PMF1: variants seen among roughly 807,000 people sequenced by gnomAD.
PMF1 encodes the protein polyamine-modulated factor 1.
PMF1 carries 21 observed loss-of-function variants against 26.7 expected under a neutral mutation model. The observed-to-expected ratio is 0.79, with a 90% CI of 0.56 to 1.13. The LOEUF (loss-of-function observed/expected upper bound fraction) is 1.13, where lower values mean the gene tolerates loss of function less well. Ranked by LOEUF, PMF1 falls within the 50% of genes most tolerant of loss-of-function variation. PMF1 has a pLI of 0.00. For missense variants in PMF1, 266 were observed against 254.9 expected, an observed-to-expected ratio of 1.04 and a Z score of -0.30; for synonymous variants, 105 against 101.0, an observed-to-expected ratio of 1.04 and a Z score of -0.24.
chr1:156,238,144 G>A (rs1232066332), intron 4 of PMF1, among the ~76,000 whole-genome samples: 1 of 152,180 alleles, frequency 6.6e-6, no homozygotes, highest in Non-Finnish European at 1.5e-5. Flanking sequence ...TTATGTGTCT[G>A]TTCTTATAAC....
rs533410192 is a variant in PMF1, at chr1:156,239,949, C to T, written c.*348C>T. ...GGCCCTGGCTTGGAGAATCTGTTTT[C>T]AATCTCCACTGATTGCCCCCTTGCT... On this transcript the variant is annotated 3_prime_UTR_variant, in exon 5 of 5. Coordinates refer to ENST00000368277, the MANE Select transcript of PMF1 (RefSeq NM_007221.4). 3.5e-6 allele frequency: 1 copy of T among 285,106 alleles called. No individual in the cohort carries two copies. Among genetic ancestry groups the T allele is most frequent in the African/African-American group, 2.2e-5 (1 of 46,078 alleles). 17.7% of individuals were successfully genotyped at this position (285,106 alleles called of 1,614,324 possible).
At chr1:156,233,437 C>T (rs908495225) in intron 2 of PMF1, among the ~76,000 whole-genome samples, 191 bp from the exon 3 acceptor site, 31 of 151,718 alleles carry the variant, frequency 2.0e-4, no homozygotes, top group Admixed American at 1.4e-3. Flanking sequence ...GGATTACAGG[C>T]GTGAACCACG....
intron 1 of PMF1, among the ~76,000 whole-genome samples, chr1:156,218,611 C>G (rs185568139): frequency 2.0e-5 from 3 of 152,206 alleles, no homozygotes; most frequent in African/African-American, 7.2e-5. Flanking sequence ...AAAACCCCAT[C>G]TCTACTAAAA....
intron 1 of PMF1, among the ~76,000 whole-genome samples, chr1:156,232,085 A>C (rs945493053): frequency 6.6e-6 from 1 of 152,168 alleles, no homozygotes; most frequent in African/African-American, 2.4e-5. Flanking sequence ...ATAAACACTT[A>C]AACTCACCTG....
intron 1 of PMF1, among the ~76,000 whole-genome samples, chr1:156,213,863 G>T (rs1411703646): frequency 6.6e-6 from 1 of 152,140 alleles, no homozygotes; most frequent in Non-Finnish European, 1.5e-5. Context: ...AGGACTAAAT[G>T]TGTTACCATG....
intron 1 of PMF1, among the ~76,000 whole-genome samples, chr1:156,215,167 C>T (rs1657635453): frequency 6.6e-6 from 1 of 151,820 alleles, no homozygotes; most frequent in South Asian, 2.1e-4. Context: ...TGAGCCACTG[C>T]ACCCAGGCGG....
rs1011140425 is a variant in PMF1, at chr1:156,222,324, A to G, written c.161+9148A>G. Among the ~76,000 whole-genome samples, 26 of 152,252 alleles carry G rather than the reference A, an allele frequency of 1.7e-4. 1 individual carries two copies. Among genetic ancestry groups the G allele is most frequent in the African/African-American group, 5.5e-4 (23 of 41,540 alleles). ...CTTCTCCTCATTTGATTAAATAGGAACTTACTCTCAGCTGGTTTCCAGAGA... is the reference window on the plus strand; with the variant it reads ...CTTCTCCTCATTTGATTAAATAGGAGCTTACTCTCAGCTGGTTTCCAGAGA... On this transcript the variant is annotated intron_variant, in intron 1 of 4. Transcript: ENST00000368277.
chr1:156,225,886 ACT>A (rs1658348066), intron 1 of PMF1, among the ~76,000 whole-genome samples: 1 of 151,938 alleles, frequency 6.6e-6, no homozygotes, highest in African/African-American at 2.4e-5. Context: ...GTGAAGTCTC[ACT>A]CTGTTGCCCA....
At chr1:156,213,619 C>G (rs572571036) in intron 1 of PMF1, among the ~76,000 whole-genome samples, 4 of 152,094 alleles carry the variant, frequency 2.6e-5, no homozygotes, top group Admixed American at 6.6e-5. Context: ...CTCGTGCTCC[C>G]GCGCCCGGCT....
intron 1 of PMF1, among the ~76,000 whole-genome samples, chr1:156,229,717 T>A (rs1658588539): frequency 6.6e-6 from 1 of 151,892 alleles, no homozygotes; most frequent in Non-Finnish European, 1.5e-5. Context: ...ATTACAGGCG[T>A]GCATCACCAC....
At chr1:156,225,418 A>G (rs903896023) in intron 1 of PMF1, 1 of 587,600 alleles carries the variant, frequency 1.7e-6, no homozygotes, top group African/African-American at 1.9e-5. Flanking sequence ...TGTACACTAT[A>G]CCCAGTATGT....
At chr1:156,214,953 C>T (rs928194018) in intron 1 of PMF1, among the ~76,000 whole-genome samples, 1 of 151,440 alleles carries the variant, frequency 6.6e-6, no homozygotes, top group African/African-American at 2.4e-5. Flanking sequence ...TCTCGGCTCA[C>T]TGTAGTCTCC....
intron 1 of PMF1, among the ~76,000 whole-genome samples, chr1:156,231,739 G>A (rs1658722076): frequency 6.6e-6 from 1 of 152,108 alleles, no homozygotes; most frequent in African/African-American, 2.4e-5. Context: ...CCAACAATAA[G>A]AGAAATATAT....
At chr1:156,231,756 A>G (rs1000772971) in intron 1 of PMF1, among the ~76,000 whole-genome samples, 2 of 152,200 alleles carry the variant, frequency 1.3e-5, no homozygotes, top group Non-Finnish European at 2.9e-5. Flanking sequence ...ATATTACCTC[A>G]TGTAACAAGA....
intron 3 of PMF1, 52 bp downstream of exon 3, chr1:156,233,780 G>GAT: frequency 7.0e-7 from 1 of 1,428,592 alleles, no homozygotes; most frequent in Non-Finnish European, 9.5e-7. Context: ...CAGCAATTAA[G>GAT]CTTTTTTTTT....
chr1:156,226,706 C>G lies in PMF1; in HGVS notation c.162-5614C>G, dbSNP rs183580024. Among the ~76,000 whole-genome samples, 6 of 152,258 alleles carry G rather than the reference C, an allele frequency of 3.9e-5. No homozygotes were observed. In the East Asian group the frequency reaches 1.2e-3, roughly 29 times the overall value. On this transcript the variant is annotated intron_variant, in intron 1 of 4. Coordinates refer to ENST00000368277, the MANE Select transcript of PMF1 (RefSeq NM_007221.4). ...TTGTGAGGCCTAGATAGTTATTATC[C>G]CCATTTGACAGAGGAGGAAATTGAG...
intron 1 of PMF1, among the ~76,000 whole-genome samples, chr1:156,226,021 A>C (rs1658353797): frequency 6.6e-6 from 1 of 151,954 alleles, no homozygotes; most frequent in Non-Finnish European, 1.5e-5. Context: ...CACCTGGTTA[A>C]TTTTTGTATT....
rs1657719979 is a variant in PMF1, at chr1:156,216,578, ATC to A, written c.161+3407_161+3408del. Among the ~76,000 whole-genome samples the A allele has an allele frequency of 5.3e-5, 8 of 151,020 alleles. No individual in the cohort carries two copies. In the South Asian group the frequency reaches 1.7e-3, roughly 32 times the overall value. On this transcript the variant is annotated intron_variant, in intron 1 of 4. Transcript: ENST00000368277. ...CCTGCTGGGGCCCGCGGGCCTGCTG[ATC>A]TCTCGCGCGTCCGAGCGTCCCGACT...
intron 1 of PMF1, chr1:156,223,486 A>C (rs1160662597): frequency 6.6e-6 from 1 of 152,166 alleles, no homozygotes; most frequent in East Asian, 1.9e-4. Flanking sequence ...ACCTTGGGCA[A>C]GCTTCTCTCT....
Sources: allele counts gnomAD v4.1 joint callset (sites outside exome capture counted in the v4.1 genomes callset), GRCh38; gene constraint gnomAD v4.1.1; transcripts MANE v1.5; gene names NCBI Gene and HGNC (gene_info 2026-07-23, HGNC 2026-07-21).